STRN: variants seen among roughly 807,000 people sequenced by gnomAD.
STRN encodes the protein striatin, also known as protein phosphatase 2 regulatory subunit B'''alpha.
STRN carries 53 observed loss-of-function variants against 96.3 expected under a neutral mutation model. That is an observed-to-expected ratio of 0.55 (90% CI 0.44 to 0.69). STRN has a LOEUF of 0.69. Ranked by LOEUF, STRN falls within the 30% of genes least tolerant of loss-of-function variation. The pLI is 0.00. For synonymous variants in STRN, 428 were observed against 355.9 expected (o/e 1.20, Z -2.28); for missense variants, 987 against 963.9 (o/e 1.02, Z -0.32).
At chr2:36,863,003 G>A (rs1290966107) in intron 12 of STRN, among the ~76,000 whole-genome samples, 9 of 152,116 alleles carry the variant, frequency 5.9e-5, no homozygotes, top group African/African-American at 1.7e-4. Context: ...GATTATAAGC[G>A]TGAGCCACCG....
chr2:36,924,059 C>CA (rs908970856), intron 2 of STRN, among the ~76,000 whole-genome samples: 14 of 151,624 alleles, frequency 9.2e-5, no homozygotes, highest in South Asian at 2.1e-4. Context: ...ACAAAATACA[C>CA]AAAAAAAAGT....
intron 12 of STRN, among the ~76,000 whole-genome samples, chr2:36,862,058 G>C (rs772396428): frequency 9.9e-5 from 15 of 152,124 alleles, no homozygotes; most frequent in Non-Finnish European, 2.1e-4. Context: ...GTTTGCTTAA[G>C]ATGGTCTTCA....
At chr2:36,929,211 C>G (rs368547801) in intron 1 of STRN, among the ~76,000 whole-genome samples, 1 of 152,062 alleles carries the variant, frequency 6.6e-6, no homozygotes, top group African/African-American at 2.4e-5. Context: ...CTATTTAAGT[C>G]TGCATGACAA....
intron 1 of STRN, among the ~76,000 whole-genome samples, chr2:36,940,820 GGGCA>G (rs1670826610): frequency 6.9e-6 from 1 of 144,094 alleles, no homozygotes; most frequent in Admixed American, 7.0e-5. Flanking sequence ...CTGGGCGACT[GGGCA>G]AGACTCTGTC....
chr2:36,894,512 A>G (rs527913681), intron 6 of STRN, among the ~76,000 whole-genome samples: 1 of 152,350 alleles, frequency 6.6e-6, no homozygotes, highest in East Asian at 1.9e-4. Context: ...ATCCAATTGA[A>G]GGGCTAAAAC....
Position 36,950,213 on chromosome 2 carries a change from G to GTTTTT in STRN, c.234+16012_234+16016dup, listed in dbSNP as rs745506504. On this transcript the variant is annotated intron_variant, in intron 1 of 17. Transcript: ENST00000263918. ...GTTACTGGTTGGTTGGTTTGGTTTTGTTTTTTTTTTTTTTTTTTTTGAGAC... is the reference window on the plus strand; with the variant it reads ...GTTACTGGTTGGTTGGTTTGGTTTTGTTTTTTTTTTTTTTTTTTTTTTTTTGAGAC... Among the ~76,000 whole-genome samples, 175 of 108,998 alleles carry GTTTTT rather than the reference G, an allele frequency of 1.6e-3. 1 individual carries two copies. The highest frequency in any genetic ancestry group is 3.0e-3 in the East Asian group (10 of 3,324). The allele number at this position is 108,998 out of a possible 152,430, so 71.5% of individuals were successfully genotyped here. A position where few individuals can be genotyped will look rare whatever the true frequency, so the allele number is the denominator to read the frequency against.
At chr2:36,850,969 T>C in intron 16 of STRN, 31 bp downstream of exon 16, 3 of 1,525,800 alleles carry the variant, frequency 2.0e-6, no homozygotes, top group Non-Finnish European at 2.7e-6. Context: ...TTTTTTGCTT[T>C]AATAAAAATC....
rs570247654 is a variant in STRN at position 36,925,969 on chromosome 2, CTTTATT to C, written c.235-767_235-762del. On this transcript the variant is annotated intron_variant, in intron 1 of 17. Transcript: ENST00000263918. ...ATTTTATGACAGATTCCTTAAGTGA[CTTTATT>C]TTGGACCTCCCCTACAAACAATAAA... 3.3e-3 allele frequency among the ~76,000 whole-genome samples: 504 copies of C among 152,244 alleles called. 1 individual carries two copies. Among genetic ancestry groups the C allele is most frequent in the African/African-American group, 0.012 (492 of 41,556 alleles).
intron 10 of STRN, among the ~76,000 whole-genome samples, chr2:36,871,808 C>T (rs1268424191): frequency 1.3e-5 from 2 of 152,152 alleles, no homozygotes; most frequent in African/African-American, 2.4e-5. Flanking sequence ...AAGAACCCTG[C>T]TAGTAAGTGG....
intron 4 of STRN, among the ~76,000 whole-genome samples, chr2:36,904,603 G>C (rs1227616476): frequency 1.3e-5 from 2 of 152,188 alleles, no homozygotes; most frequent in Non-Finnish European, 2.9e-5. Flanking sequence ...GAGGTGGGGA[G>C]ATCACTCGAA....
chr2:36,929,473 T>C (rs957877795), intron 1 of STRN, among the ~76,000 whole-genome samples: 1 of 151,364 alleles, frequency 6.6e-6, no homozygotes, highest in African/African-American at 2.4e-5. Context: ...AACTTCAGCC[T>C]CCCAGGGTCG....
rs1668096618 is a variant in STRN at position 36,847,054 on chromosome 2, A to G, written c.*2402T>C. On this transcript the variant is annotated 3_prime_UTR_variant, in exon 18 of 18. Coordinates refer to ENST00000263918, the MANE Select transcript of STRN (RefSeq NM_003162.4). ...ACATGTATATGCTACTCTGGTTGGA[A>G]GACAGCTTTGGCTCATTTCTAGGCT... The G allele has an allele frequency of 1.3e-5, 2 of 152,156 alleles. No individual in the cohort carries two copies. The highest frequency in any genetic ancestry group is 1.9e-4 in the East Asian group (1 of 5,188). 9.4% of individuals were successfully genotyped at this position (152,156 alleles called of 1,614,324 possible).
At chr2:36,957,742 GTCTTTTTTTTTT>G (rs1310523860) in intron 1 of STRN, among the ~76,000 whole-genome samples, 5 of 103,132 alleles carry the variant, frequency 4.8e-5, no homozygotes, top group African/African-American at 1.8e-4. Flanking sequence ...TCTTCTTTTT[GTCTTTTTTTTTT>G]TTTTTTTTTT....
At position 36,924,147 on chromosome 2, in the gene STRN, G is replaced by C. The variant is rs529617579; in HGVS notation, c.338+958C>G. On this transcript the variant is annotated intron_variant, in intron 2 of 17. Coordinates refer to ENST00000263918, the MANE Select transcript of STRN (RefSeq NM_003162.4). ...CGAGACGGGGGGATCACGAGGTCAG[G>C]AGATCAAGACCATCCTGGCTCACAT... Among the ~76,000 whole-genome samples, 4 of 152,164 alleles carry C rather than the reference G, an allele frequency of 2.6e-5. No homozygotes were observed. In the South Asian group the frequency reaches 8.3e-4, roughly 32 times the overall value.
chr2:36,881,811 C>T (rs780142550), intron 9 of STRN, among the ~76,000 whole-genome samples: 34 of 152,148 alleles, frequency 2.2e-4, no homozygotes, highest in Non-Finnish European at 4.1e-4. Flanking sequence ...GAGATGAAAT[C>T]TGATAAACTT....
chr2:36,906,575 G>A (rs745849837), intron 3 of STRN, among the ~76,000 whole-genome samples: 2 of 152,076 alleles, frequency 1.3e-5, no homozygotes, highest in African/African-American at 2.4e-5. Context: ...TTGGTAAAGA[G>A]CAGATATATA....
chr2:36,873,764 G>A (rs963767073), intron 10 of STRN, among the ~76,000 whole-genome samples: 3 of 151,784 alleles, frequency 2.0e-5, no homozygotes, highest in African/African-American at 7.3e-5. Flanking sequence ...CCAACACGGT[G>A]AAACCCTGTC....
In STRN at chr2:36,876,995, G is replaced by A. The variant is rs189164432; in HGVS notation, c.1323+896C>T. On this transcript the variant is annotated intron_variant, in intron 10 of 17. Coordinates refer to ENST00000263918, the MANE Select transcript of STRN (RefSeq NM_003162.4). ...GATCTCCTGACCTCGTGATCCACCCGCCTTGGCCTCCCAAAGTGCTGGGAT... is the reference window on the plus strand; with the variant it reads ...GATCTCCTGACCTCGTGATCCACCCACCTTGGCCTCCCAAAGTGCTGGGAT... 6.2e-3 allele frequency among the ~76,000 whole-genome samples: 946 copies of A among 152,166 alleles called. 9 individuals carry two copies. Among genetic ancestry groups the A allele is most frequent in the African/African-American group, 0.02 (849 of 41,526 alleles).
intron 2 of STRN, among the ~76,000 whole-genome samples, chr2:36,918,148 T>C (rs1328229591): frequency 6.6e-6 from 1 of 152,160 alleles, no homozygotes; most frequent in Non-Finnish European, 1.5e-5. Flanking sequence ...ATGTGTCTCT[T>C]AACCACAAAG....
Sources: gnomAD v4.1 joint callset for allele counts (sites outside exome capture counted in the v4.1 genomes callset) on GRCh38, gnomAD v4.1.1 for gene constraint, MANE v1.5 for transcripts, NCBI Gene and HGNC (gene_info 2026-07-23, HGNC 2026-07-21) for gene names.